The following PEBP4 variants were observed in gnomAD, a reference collection of about 807,000 sequenced individuals.
PEBP4 encodes the protein phosphatidylethanolamine binding protein 4, also known as phosphatidylethanolamine-binding protein 4.
PEBP4 carries 22 observed loss-of-function variants against 23.9 expected under a neutral mutation model. The observed-to-expected ratio is 0.92, with a 90% CI of 0.66 to 1.31. PEBP4 has a LOEUF of 1.31. Among genes scored for constraint, PEBP4 ranks in the 40% most tolerant of loss-of-function variants. The pLI is 0.00. For synonymous variants in PEBP4, 112 were observed against 99.3 expected (o/e 1.13, Z -0.76); for missense variants, 324 against 281.7 (o/e 1.15, Z -1.07).
chr8:22,881,513 T>C (rs957425039), intron 3 of PEBP4, among the ~76,000 whole-genome samples: 1 of 152,198 alleles, frequency 6.6e-6, no homozygotes. Flanking sequence ...CTCGCAGTTG[T>C]ATGTCCCCAG....
At position 22,917,458 on chromosome 8, in the gene PEBP4, C is replaced by T. The variant is rs140389489; in HGVS notation, c.258+2726G>A. Among the ~76,000 whole-genome samples, 632 of 152,268 alleles carry T rather than the reference C, an allele frequency of 4.2e-3. 4 individuals carry two copies. Among genetic ancestry groups the T allele is most frequent in the African/African-American group, 0.014 (572 of 41,538 alleles). On this transcript the variant is annotated intron_variant, in intron 3 of 6. Transcript: ENST00000256404. ...ATTCTAACCAGGGAAAGCTTCCCTT[C>T]GGCCAGCCCACCCCTGCCTGTGCCA...
At chr8:22,923,639 G>T (rs370213892) in intron 2 of PEBP4, among the ~76,000 whole-genome samples, 18 of 152,238 alleles carry the variant, frequency 1.2e-4, no homozygotes, top group East Asian at 5.8e-4. Flanking sequence ...GCCCCTCAGT[G>T]AGTGCTATGG....
intron 3 of PEBP4, among the ~76,000 whole-genome samples, chr8:22,849,835 A>C (rs975272860): frequency 6.6e-6 from 1 of 152,206 alleles, no homozygotes; most frequent in Non-Finnish European, 1.5e-5. Flanking sequence ...TCACATGTCC[A>C]TGGCTTTAAT....
intron 4 of PEBP4, among the ~76,000 whole-genome samples, chr8:22,758,910 T>C (rs551033177): frequency 6.7e-6 from 1 of 149,462 alleles, no homozygotes; most frequent in African/African-American, 2.5e-5. Context: ...GAAAGAGGAG[T>C]GAAGTCCGGG....
chr8:22,786,297 T>C (rs1806025736), intron 4 of PEBP4, among the ~76,000 whole-genome samples: 1 of 152,172 alleles, frequency 6.6e-6, no homozygotes, highest in African/African-American at 2.4e-5. Context: ...TGTTTGTTTT[T>C]TAAGAGACAG....
chr8:22,839,152 G>A lies in PEBP4; in HGVS notation c.259-21417C>T, dbSNP rs34286316. 7.2e-3 allele frequency among the ~76,000 whole-genome samples: 1,097 copies of A among 152,324 alleles called. 4 individuals carry two copies. The highest frequency in any genetic ancestry group is 0.011 in the Non-Finnish European group (723 of 68,012). ...TCAGATTCCGGCCTGCAAAGGTGGC[G>A]TTTTTCACACTTGTTCGGGATGACC... On this transcript the variant is annotated intron_variant, in intron 3 of 6. Coordinates refer to ENST00000256404, the MANE Select transcript of PEBP4 (RefSeq NM_144962.3).
intron 4 of PEBP4, among the ~76,000 whole-genome samples, chr8:22,796,830 G>C (rs1806269678): frequency 6.6e-6 from 1 of 152,022 alleles, no homozygotes; most frequent in South Asian, 2.1e-4. Context: ...ATGAAATACT[G>C]CCTATTGGAT....
chr8:22,729,716 G>C (rs1190946012), intron 4 of PEBP4, among the ~76,000 whole-genome samples: 2 of 152,238 alleles, frequency 1.3e-5, no homozygotes, highest in Admixed American at 6.5e-5. Flanking sequence ...CAAATGGACT[G>C]TTCAGGTCCC....
chr8:22,775,437 G>A lies in PEBP4; in HGVS notation c.357+42200C>T, dbSNP rs1400376363. On this transcript the variant is annotated intron_variant, in intron 4 of 6. Transcript: ENST00000256404. The surrounding 1 kb of genome is among the most constrained non-coding windows in gnomAD (Gnocchi z 4.8). ...CCAATCCCTCCTTTACAACCATGCC[G>A]GGAGGGGTGCGCAGGGGCCCGTGGG... Among the ~76,000 whole-genome samples, 1 of 152,202 alleles carries A rather than the reference G, an allele frequency of 6.6e-6. No individual in the cohort carries two copies. The highest frequency in any genetic ancestry group is 1.5e-5 in the Non-Finnish European group (1 of 68,036).
Sources: gnomAD v4.1 joint callset for allele counts (sites outside exome capture counted in the v4.1 genomes callset) on GRCh38, gnomAD v4.1.1 for gene constraint, Gnocchi (gnomAD v3.1) non-coding constraint, MANE v1.5 for transcripts, NCBI Gene and HGNC (gene_info 2026-07-23, HGNC 2026-07-21) for gene names.